The following VAPB variants were observed in gnomAD, a reference collection of about 807,000 sequenced individuals.
VAPB encodes VAMP associated protein B and C.
VAPB carries 7 observed loss-of-function variants against 25.6 expected under a neutral mutation model. That is an observed-to-expected ratio of 0.27 (90% CI 0.16 to 0.51). VAPB has a LOEUF of 0.51. Among genes scored for constraint, VAPB ranks in the 20% least tolerant of loss-of-function variants. The pLI is 0.97. For synonymous variants in VAPB, 112 were observed against 109.2 expected, an observed-to-expected ratio of 1.03 and a Z score of -0.16; for missense variants, 266 against 301.3, an observed-to-expected ratio of 0.88 and a Z score of 0.87.
At chr20:58,434,825 T>C in intron 3 of VAPB, 120 bp downstream of exon 3, 1 of 669,140 alleles carries the variant, frequency 1.5e-6, no homozygotes, top group Non-Finnish European at 2.7e-6. Flanking sequence ...GGAATAGTTT[T>C]TTTTCAAGGA....
intron 1 of VAPB, chr20:58,390,415 C>T (rs755659677): frequency 2.7e-5 from 4 of 150,034 alleles, no homozygotes; most frequent in Non-Finnish European, 4.4e-5. Context: ...ACCAGGGCCA[C>T]GAGGTAAAAG....
chr20:58,438,875 A>T, intron 3 of VAPB, 70 bp from the exon 4 acceptor site: 1 of 1,345,586 alleles, frequency 7.4e-7, no homozygotes, highest in Non-Finnish European at 1.1e-6. Context: ...TGAAATTGTC[A>T]GTTATAGGAA....
intron 2 of VAPB, among the ~76,000 whole-genome samples, chr20:58,433,551 C>G (rs954831227): frequency 6.6e-6 from 1 of 152,168 alleles, no homozygotes; most frequent in African/African-American, 2.4e-5. Flanking sequence ...GAACTTAGGT[C>G]CCCACACCAA....
At chr20:58,409,297 G>C (rs764543074) in intron 1 of VAPB, among the ~76,000 whole-genome samples, 1 of 152,152 alleles carries the variant, frequency 6.6e-6, no homozygotes, top group Non-Finnish European at 1.5e-5. Context: ...GGTATAGAAC[G>C]CAGAAAGCAA....
rs748378139 is a variant in VAPB, at chr20:58,448,964, A to C, written c.*4729A>C. The C allele has an allele frequency of 2.2e-6, 1 of 454,100 alleles. No homozygotes were observed. Among genetic ancestry groups the C allele is most frequent in the South Asian group, 1.6e-5 (1 of 64,480 alleles). The allele number at this position is 454,100 out of a possible 1,614,324, so 28.1% of individuals were successfully genotyped here. The stretch of plus-strand genomic sequence containing the variant: ...AAATGTGAATGAGGGCAGTTGATTA[A>C]AATTGGTATTACAGAAGGGCCCTGC... On this transcript the variant is annotated 3_prime_UTR_variant, in exon 6 of 6. Transcript: ENST00000475243.
chr20:58,423,878 G>T (rs1293828404), intron 2 of VAPB, among the ~76,000 whole-genome samples: 3 of 152,084 alleles, frequency 2.0e-5, no homozygotes, highest in Non-Finnish European at 4.4e-5. Flanking sequence ...ATCTTTTTCA[G>T]CAGATGAGAG....
At chr20:58,413,577 C>T (rs1271289593) in intron 1 of VAPB, among the ~76,000 whole-genome samples, 1 of 152,108 alleles carries the variant, frequency 6.6e-6, no homozygotes, top group African/African-American at 2.4e-5. Context: ...CATCCGATTT[C>T]TCAATCTTTT....
In VAPB at chr20:58,450,038, G is replaced by A. The variant is rs1367213506; in HGVS notation, c.*5803G>A. ...TAACAAGATTGCGGGGCTTTTTAGGGTTTAAGAAGATGAGAAATGAGTGTG... is the reference window on the plus strand; with the variant it reads ...TAACAAGATTGCGGGGCTTTTTAGGATTTAAGAAGATGAGAAATGAGTGTG... On this transcript the variant is annotated 3_prime_UTR_variant, in exon 6 of 6. Coordinates refer to ENST00000475243, the MANE Select transcript of VAPB (RefSeq NM_004738.5). 2 of 453,852 alleles carry A rather than the reference G, an allele frequency of 4.4e-6. No individual in the cohort carries two copies. The highest frequency in any genetic ancestry group is 4.7e-5 in the Admixed American group (2 of 42,540). The allele number at this position is 453,852 out of a possible 1,614,324, so 28.1% of individuals were successfully genotyped here. A position where few individuals can be genotyped will look rare whatever the true frequency, so the allele number is the denominator to read the frequency against.
intron 2 of VAPB, among the ~76,000 whole-genome samples, chr20:58,426,340 G>C (rs1439868261): frequency 6.6e-6 from 1 of 152,202 alleles, no homozygotes; most frequent in Non-Finnish European, 1.5e-5. Context: ...TGGGACTACA[G>C]ACATGCACCA....
intron 1 of VAPB, among the ~76,000 whole-genome samples, chr20:58,397,667 G>A (rs1031628292): frequency 6.6e-6 from 1 of 152,150 alleles, no homozygotes; most frequent in South Asian, 2.1e-4. Context: ...GTTGTAAAGG[G>A]CACTTATTAA....
Position 58,449,590 on chromosome 20 carries a change from T to C in VAPB, c.*5355T>C. On this transcript the variant is annotated 3_prime_UTR_variant, in exon 6 of 6. Coordinates refer to ENST00000475243, the MANE Select transcript of VAPB (RefSeq NM_004738.5). ...ATGATACCTTGGAATGTTGCCACGA[T>C]ATGGATTGCTTTGATTAAAAGATGT... 1 of 454,126 alleles carries C rather than the reference T, an allele frequency of 2.2e-6. No individual in the cohort carries two copies. The highest frequency in any genetic ancestry group is 4.4e-6 in the Non-Finnish European group (1 of 226,784). 28.1% of individuals were successfully genotyped at this position (454,126 alleles called of 1,614,324 possible).
chr20:58,441,161 C>T, intron 5 of VAPB, 78 bp downstream of exon 5: 1 of 1,466,820 alleles, frequency 6.8e-7, no homozygotes, highest in South Asian at 1.2e-5. Flanking sequence ...GTTGATGAGC[C>T]AGTGAATATA....
At chr20:58,402,561 CCTTTT>C (rs1988125082) in intron 1 of VAPB, among the ~76,000 whole-genome samples, 1 of 112,018 alleles carries the variant, frequency 8.9e-6, no homozygotes. Context: ...GCCCCCCCAC[CCTTTT>C]TTTTTTTTTT....
intron 1 of VAPB, among the ~76,000 whole-genome samples, chr20:58,409,946 A>G (rs1988334761): frequency 6.6e-6 from 1 of 151,820 alleles, no homozygotes; most frequent in Non-Finnish European, 1.5e-5. Context: ...ATACAGATAG[A>G]TATTTTCAAA....
At chr20:58,408,890 A>G (rs1420376706) in intron 1 of VAPB, among the ~76,000 whole-genome samples, 1 of 91,912 alleles carries the variant, frequency 1.1e-5, no homozygotes, top group Admixed American at 1.3e-4. Flanking sequence ...TAGGACAGAC[A>G]CCCCCCCCCC....
Position 58,447,900 on chromosome 20 carries a change from C to T in VAPB, c.*3665C>T, listed in dbSNP as rs544442383. On this transcript the variant is annotated 3_prime_UTR_variant, in exon 6 of 6. Transcript: ENST00000475243. ...ATAGGGGTCTTGGGCTTCCCAGTGT[C>T]ACTTTGAACACCTGAATAACATTTA... 8.8e-6 allele frequency: 4 copies of T among 453,668 alleles called. No homozygotes were observed. The East Asian group carries it at 2.8e-4, about 32-fold the overall frequency. The allele number at this position is 453,668 out of a possible 1,614,324, so 28.1% of individuals were successfully genotyped here. A position where few individuals can be genotyped will look rare whatever the true frequency, so the allele number is the denominator to read the frequency against.
chr20:58,427,516 G>C (rs1029957287), intron 2 of VAPB, among the ~76,000 whole-genome samples: 4 of 152,066 alleles, frequency 2.6e-5, no homozygotes, highest in Non-Finnish European at 5.9e-5. Flanking sequence ...AGGCAAAAGT[G>C]ATTTGTGATC....
At chr20:58,397,530 A>C (rs548224816) in intron 1 of VAPB, among the ~76,000 whole-genome samples, 336 of 152,100 alleles carry the variant, frequency 2.2e-3, no homozygotes, top group Middle Eastern at 3.4e-3. Flanking sequence ...AAAAAAAAAA[A>C]AAAACAAAAC....
intron 4 of VAPB, chr20:58,440,549 C>CTTTGTGGTGACAGTAA (rs1989137187): frequency 3.4e-6 from 1 of 292,954 alleles, no homozygotes; most frequent in African/African-American, 2.2e-5. Context: ...ATGTTCACAT[C>CTTTGTGGTGACAGTAA]TTTGTGGTGA....
Sources: allele counts gnomAD v4.1 joint callset (sites outside exome capture counted in the v4.1 genomes callset), GRCh38; gene constraint gnomAD v4.1.1; transcripts MANE v1.5; gene names NCBI Gene and HGNC (gene_info 2026-07-23, HGNC 2026-07-21).